MED9: variants seen among roughly 807,000 people sequenced by gnomAD.
MED9 encodes the protein mediator of RNA polymerase II transcription subunit 9.
Under a neutral mutation model 13.2 loss-of-function variants are expected in MED9, and 8 were observed. The observed-to-expected ratio is 0.61, with a 90% confidence interval of 0.36 to 1.10. The LOEUF (loss-of-function observed/expected upper bound fraction) is 1.10, where lower values mean the gene tolerates loss of function less well. Among genes scored for constraint, MED9 ranks in the 50% least tolerant of loss-of-function variants. The pLI, the probability that MED9 is intolerant of heterozygous loss-of-function variation, is 0.02. For missense variants in MED9, 180 were observed against 193.4 expected, an observed-to-expected ratio of 0.93 and a Z score of 0.41; for synonymous variants, 87 against 82.8, an observed-to-expected ratio of 1.05 and a Z score of -0.28.
intron 1 of MED9, among the ~76,000 whole-genome samples, chr17:17,479,519 T>TA (rs35147742): frequency 0.58 from 84,691 of 144,964 alleles, 26,079 homozygotes; most frequent in Non-Finnish European, 0.72. Flanking sequence ...GAAGGGAGTT[T>TA]AAAAAAAAAA....
rs1905108639 is a variant in MED9, at chr17:17,485,308, G to A, written c.225-5971G>A. The A allele has an allele frequency of 1.0e-5, 4 of 398,412 alleles. No individual in the cohort carries two copies. In the Admixed American group the frequency reaches 1.3e-4, roughly 13 times the overall value. The allele number at this position is 398,412 out of a possible 1,614,324, so 24.7% of individuals were successfully genotyped here. On this transcript the variant is annotated intron_variant, in intron 1 of 1. Transcript: ENST00000268711. ...TTTTTTTGTATTTTTAGTAGAGACG[G>A]GGCTGGCCTCAAGTGATCTGCTGAC... is the stretch of plus-strand genomic sequence containing the variant.
intron 1 of MED9, chr17:17,485,999 A>C (rs1388868551): frequency 6.6e-6 from 1 of 152,174 alleles, no homozygotes; most frequent in Non-Finnish European, 1.5e-5. Context: ...AGCCAGTATC[A>C]TCCAGGGCGG....
intron 1 of MED9, among the ~76,000 whole-genome samples, chr17:17,480,825 G>A (rs1349391829): frequency 6.6e-6 from 1 of 152,138 alleles, no homozygotes; most frequent in Admixed American, 6.5e-5. Context: ...CTTCAGTATA[G>A]GCGTGTCTTT....
chr17:17,490,063 G>C (rs1053838878), intron 1 of MED9, among the ~76,000 whole-genome samples: 2 of 152,206 alleles, frequency 1.3e-5, no homozygotes, highest in African/African-American at 4.8e-5. Flanking sequence ...CTTACTTTCA[G>C]AACAGCTTAC....
At chr17:17,479,581 T>A (rs1378488762) in intron 1 of MED9, among the ~76,000 whole-genome samples, 5 of 151,236 alleles carry the variant, frequency 3.3e-5, no homozygotes, top group Admixed American at 3.3e-4. Flanking sequence ...TCCCAACACT[T>A]TAGGAGGCTG....
intron 1 of MED9, among the ~76,000 whole-genome samples, chr17:17,478,714 G>A (rs970491736): frequency 2.2e-4 from 33 of 152,196 alleles, no homozygotes; most frequent in African/African-American, 7.5e-4. Flanking sequence ...AAAATTAGCC[G>A]GGTGTGGTGG....
chr17:17,479,126 G>A (rs1468730746), intron 1 of MED9, among the ~76,000 whole-genome samples: 1 of 152,154 alleles, frequency 6.6e-6, no homozygotes, highest in African/African-American at 2.4e-5. Flanking sequence ...AGCTGGGTTG[G>A]GTTGGCCTTA....
intron 1 of MED9, among the ~76,000 whole-genome samples, chr17:17,480,188 G>T (rs927546254): frequency 6.6e-6 from 1 of 152,142 alleles, no homozygotes; most frequent in African/African-American, 2.4e-5. Context: ...GCAGGGGTAG[G>T]TAGGGGGAGC....
intron 1 of MED9, among the ~76,000 whole-genome samples, chr17:17,481,092 G>A (rs1193090735): frequency 6.6e-6 from 1 of 152,214 alleles, no homozygotes; most frequent in Admixed American, 6.5e-5. Flanking sequence ...AGGTGGCTGG[G>A]GAGGAGGGAA....
chr17:17,479,262 C>T (rs1003200819), intron 1 of MED9, among the ~76,000 whole-genome samples: 2 of 151,932 alleles, frequency 1.3e-5, no homozygotes, highest in Non-Finnish European at 2.9e-5. Flanking sequence ...CTTTCTAGGC[C>T]ATAATCTTCT....
chr17:17,485,048 C>G, intron 1 of MED9: 1 of 253,212 alleles, frequency 3.9e-6, no homozygotes, highest in Non-Finnish European at 7.4e-6. Context: ...CTCTGTCGCC[C>G]AGGCTGGAGT....
At position 17,477,298 on chromosome 17, in the gene MED9, T is replaced by C. The variant is rs199805046; in HGVS notation, c.224+33T>C. On this transcript the variant is annotated intron_variant, in intron 1 of 1. Transcript: ENST00000268711. ...CCTAGGAGAGGACCAGGCCCCATAC[T>C]CCCTCCAGCTTCTCCTCTCAGCCGT... 1.8e-3 allele frequency: 2,766 copies of C among 1,530,574 alleles called. 7 individuals carry two copies. The highest frequency in any genetic ancestry group is 2.2e-3 in the Non-Finnish European group (2,524 of 1,137,092). The allele number at this position is 1,530,574 out of a possible 1,614,324, so 94.8% of individuals were successfully genotyped here. A position where few individuals can be genotyped will look rare whatever the true frequency, so the allele number is the denominator to read the frequency against.
At chr17:17,484,776 G>C (rs1905095680) in intron 1 of MED9, among the ~76,000 whole-genome samples, 1 of 152,252 alleles carries the variant, frequency 6.6e-6, no homozygotes, top group South Asian at 2.1e-4. Context: ...ATAACCAGAA[G>C]GTGGGCCCCA....
intron 1 of MED9, among the ~76,000 whole-genome samples, chr17:17,488,953 A>G (rs1200430352): frequency 6.6e-6 from 1 of 152,088 alleles, no homozygotes; most frequent in Non-Finnish European, 1.5e-5. Flanking sequence ...CATTCCTTCT[A>G]TAGTTGGCCG....
At chr17:17,485,336 C>G in intron 1 of MED9, 1 of 398,578 alleles carries the variant, frequency 2.5e-6, no homozygotes, top group Non-Finnish European at 4.4e-6. Context: ...CTGCTGACTT[C>G]AGCCTCCCAA....
chr17:17,485,417 G>C (rs1905110914), intron 1 of MED9: 1 of 397,666 alleles, frequency 2.5e-6, no homozygotes, highest in South Asian at 1.3e-4. Flanking sequence ...GACCTGCTCA[G>C]ACTTGGGTTT....
In MED9 at chr17:17,480,958, AAGGG is replaced by A. The variant is rs1289886215; in HGVS notation, c.224+3697_224+3700del. Among the ~76,000 whole-genome samples, 11 of 152,204 alleles carry A rather than the reference AAGGG, an allele frequency of 7.2e-5. 1 individual carries two copies. The South Asian group carries it at 2.3e-3, about 32-fold the overall frequency. The stretch of plus-strand genomic sequence containing the variant: ...GCCAACAATGAGTCTTCAATTAGGA[AAGGG>A]AGGCAGGAGGAATGTTGGTATAGGA... On this transcript the variant is annotated intron_variant, in intron 1 of 1. Coordinates refer to ENST00000268711, the MANE Select transcript of MED9 (RefSeq NM_018019.3).
intron 1 of MED9, among the ~76,000 whole-genome samples, chr17:17,481,874 T>A (rs1905038473): frequency 6.6e-6 from 1 of 152,244 alleles, no homozygotes; most frequent in South Asian, 2.1e-4. Flanking sequence ...TTTAGAGCAC[T>A]ACGTCTTTTT....
intron 1 of MED9, among the ~76,000 whole-genome samples, chr17:17,481,614 C>T (rs1905035058): frequency 6.6e-6 from 1 of 152,168 alleles, no homozygotes; most frequent in African/African-American, 2.4e-5. Flanking sequence ...GGCCACCTTT[C>T]CATACTGCAC....
Sources: allele counts gnomAD v4.1 joint callset (sites outside exome capture counted in the v4.1 genomes callset), GRCh38; gene constraint gnomAD v4.1.1; transcripts MANE v1.5; gene names NCBI Gene and HGNC (gene_info 2026-07-23, HGNC 2026-07-21).